The following PI4K2B variants were observed in gnomAD, a reference collection of about 807,000 sequenced individuals.
PI4K2B encodes phosphatidylinositol 4-kinase type 2-beta.
A neutral mutation model predicts 56.6 loss-of-function variants in PI4K2B; 46 were observed. That is an observed-to-expected ratio of 0.81 (90% CI 0.64 to 1.04). PI4K2B has a LOEUF of 1.04. PI4K2B is among the 50% of genes least tolerant of loss of function. The pLI is 0.00. For missense variants in PI4K2B, 556 were observed against 607.7 expected (o/e 0.91, Z 0.89); for synonymous variants, 211 against 223.8 (o/e 0.94, Z 0.51).
chr4:25,244,554 A>C (rs943700531), intron 1 of PI4K2B, among the ~76,000 whole-genome samples: 4 of 152,182 alleles, frequency 2.6e-5, no homozygotes, highest in African/African-American at 9.7e-5. Flanking sequence ...TATTGGGGCC[A>C]AGCCATAGTG....
chr4:25,241,455 A>G (rs1242690689), intron 1 of PI4K2B, among the ~76,000 whole-genome samples: 4 of 152,234 alleles, frequency 2.6e-5, no homozygotes, highest in Admixed American at 2.0e-4. Context: ...GTTGGCAGTC[A>G]TGCTCGATTG....
chr4:25,237,463 T>C (rs970563390), intron 1 of PI4K2B, among the ~76,000 whole-genome samples: 2 of 151,972 alleles, frequency 1.3e-5, no homozygotes, highest in African/African-American at 4.8e-5. Context: ...CAACCTCCAC[T>C]CCCCAGGTTC....
intron 1 of PI4K2B, among the ~76,000 whole-genome samples, chr4:25,239,640 G>T (rs1715430427): frequency 6.6e-6 from 1 of 152,228 alleles, no homozygotes; most frequent in Non-Finnish European, 1.5e-5. Context: ...CAAGCTGAGG[G>T]AGCTGGCTCT....
At position 25,234,118 on chromosome 4, in the gene PI4K2B, T is replaced by C. The variant is rs1577669860; in HGVS notation, c.-46T>C. 1.6e-6 allele frequency: 2 copies of C among 1,265,190 alleles called. No homozygotes were observed. The highest frequency in any genetic ancestry group is 1.0e-6 in the Non-Finnish European group (1 of 1,001,402). The allele number at this position is 1,265,190 out of a possible 1,614,324, so 78.4% of individuals were successfully genotyped here. On this transcript the variant is annotated 5_prime_UTR_variant, in exon 1 of 10. Coordinates refer to ENST00000264864, the MANE Select transcript of PI4K2B (RefSeq NM_018323.4). The stretch of plus-strand genomic sequence containing the variant: ...CATGCAGAGCCCAGTCTCTGGCACC[T>C]GGCTGCTCTGATCTGGTCTCAGCGC...
At chr4:25,234,936 G>A (rs1715186522) in intron 1 of PI4K2B, among the ~76,000 whole-genome samples, 1 of 152,188 alleles carries the variant, frequency 6.6e-6, no homozygotes, top group South Asian at 2.1e-4. Context: ...GCCACAGGGG[G>A]CAAAAGCAGT....
At chr4:25,244,480 C>G (rs537639577) in intron 1 of PI4K2B, among the ~76,000 whole-genome samples, 3 of 152,292 alleles carry the variant, frequency 2.0e-5, no homozygotes, top group African/African-American at 7.2e-5. Context: ...AAAGGTCAAG[C>G]TGCTAGATAG....
chr4:25,250,036 G>A (rs1577683558), intron 1 of PI4K2B, among the ~76,000 whole-genome samples: 3 of 152,152 alleles, frequency 2.0e-5, no homozygotes, highest in South Asian at 2.1e-4. Flanking sequence ...CGGCCAACAC[G>A]GCGAAACCCC....
At position 25,253,176 on chromosome 4, in the gene PI4K2B, G is replaced by A. The variant is rs563509193; in HGVS notation, c.423+701G>A. ...CAAAGTACTTGATTTTTTTTCAAAG[G>A]TATGTGAATACCTTTTCTGGCATTT... is the stretch of plus-strand genomic sequence containing the variant. On this transcript the variant is annotated intron_variant, in intron 2 of 9. Transcript: ENST00000264864. Among the ~76,000 whole-genome samples, 12 of 152,108 alleles carry A rather than the reference G, an allele frequency of 7.9e-5. No individual in the cohort carries two copies. In the South Asian group the frequency reaches 1.9e-3, roughly 24 times the overall value.
chr4:25,268,638 T>A, intron 8 of PI4K2B, 62 bp downstream of exon 8: 1 of 1,160,066 alleles, frequency 8.6e-7, no homozygotes, highest in Non-Finnish European at 1.2e-6. Context: ...AGAGACTGCT[T>A]AATAGAGCTG....
At position 25,234,283 on chromosome 4, in the gene PI4K2B, A is replaced by G; in HGVS notation, c.120A>G (p.Arg40=). The change falls in exon 1 of 10, where the codon AGA becomes AGG. Residue 40 remains arginine (R), a synonymous_variant. Coordinates refer to ENST00000264864, the MANE Select transcript of PI4K2B (RefSeq NM_018323.4). ...LPRIAWAHPR[R]GAPGSAVRLL... Reference sequence around the variant, plus strand: ...GGATCGCCTGGGCCCACCCGCGGAGAGGCGCCCCAGGCAGCGCCGTGAGGC... The same window carrying G: ...GGATCGCCTGGGCCCACCCGCGGAGGGGCGCCCCAGGCAGCGCCGTGAGGC... The G allele has an allele frequency of 2.8e-6, 4 of 1,418,442 alleles. No homozygotes were observed. Among genetic ancestry groups the G allele is most frequent in the Non-Finnish European group, 3.7e-6 (4 of 1,081,724 alleles). The allele number at this position is 1,418,442 out of a possible 1,614,324, so 87.9% of individuals were successfully genotyped here.
intron 7 of PI4K2B, 93 bp downstream of exon 7, chr4:25,263,942 A>C: frequency 1.7e-6 from 1 of 598,230 alleles, no homozygotes; most frequent in Non-Finnish European, 3.0e-6. Context: ...CGGAGGAAAA[A>C]GTAGATGAAA....
rs1715116256 is a variant in PI4K2B, at chr4:25,234,065, G to C, written c.-99G>C. The stretch of plus-strand genomic sequence containing the variant: ...CCCGTGCGCTGGTGAGGTGGCGTCC[G>C]TTCTACCCGGTCGCTCCCGTTCCGC... On this transcript the variant is annotated 5_prime_UTR_variant, in exon 1 of 10. Coordinates refer to ENST00000264864, the MANE Select transcript of PI4K2B (RefSeq NM_018323.4). 1 of 1,068,596 alleles carries C rather than the reference G, an allele frequency of 9.4e-7. No homozygotes were observed. Among genetic ancestry groups the C allele is most frequent in the Non-Finnish European group, 1.2e-6 (1 of 837,952 alleles). The allele number at this position is 1,068,596 out of a possible 1,614,324, so 66.2% of individuals were successfully genotyped here.
chr4:25,254,640 C>T (rs1476662527), intron 2 of PI4K2B, among the ~76,000 whole-genome samples: 1 of 152,064 alleles, frequency 6.6e-6, no homozygotes, highest in Non-Finnish European at 1.5e-5. Flanking sequence ...GTCTCGATCT[C>T]CTGACCTCAT....
At chr4:25,242,656 C>G (rs892432356) in intron 1 of PI4K2B, among the ~76,000 whole-genome samples, 1 of 152,246 alleles carries the variant, frequency 6.6e-6, no homozygotes, top group Non-Finnish European at 1.5e-5. Flanking sequence ...GCAGGGACTG[C>G]TGCATTTCCT....
intron 9 of PI4K2B, 151 bp downstream of exon 9, chr4:25,269,354 C>G (rs1237548825): frequency 1.8e-6 from 1 of 550,768 alleles, no homozygotes; most frequent in Non-Finnish European, 3.3e-6. Flanking sequence ...GAAGTTGATT[C>G]GGCCGACTGC....
At chr4:25,236,885 A>T (rs1030017151) in intron 1 of PI4K2B, among the ~76,000 whole-genome samples, 1 of 152,236 alleles carries the variant, frequency 6.6e-6, no homozygotes, top group Non-Finnish European at 1.5e-5. Flanking sequence ...AAAGACTAAA[A>T]TGTTCATGAT....
chr4:25,268,415 T>C, intron 7 of PI4K2B, 28 bp from the exon 8 acceptor site: 3 of 1,576,314 alleles, frequency 1.9e-6, no homozygotes, highest in Non-Finnish European at 2.6e-6. Context: ...TTCCTACCAC[T>C]GATTAGGAGA....
At chr4:25,273,585 A>G (rs1362608144) in intron 9 of PI4K2B, among the ~76,000 whole-genome samples, 2 of 152,190 alleles carry the variant, frequency 1.3e-5, no homozygotes, top group Non-Finnish European at 2.9e-5. Context: ...CTTTAATAAC[A>G]TGTATCTGTG....
At chr4:25,259,804 A>C (rs906896448) in intron 5 of PI4K2B, among the ~76,000 whole-genome samples, 7 of 152,252 alleles carry the variant, frequency 4.6e-5, no homozygotes, top group Admixed American at 1.3e-4. Context: ...TGCGGCCTGC[A>C]GGCCACGGGT....
Sources: allele counts gnomAD v4.1 joint callset (sites outside exome capture counted in the v4.1 genomes callset), GRCh38; gene constraint gnomAD v4.1.1; transcripts MANE v1.5; gene names NCBI Gene and HGNC (gene_info 2026-07-23, HGNC 2026-07-21).